The following RFX3 variants were observed in gnomAD, a reference collection of about 807,000 sequenced individuals.
RFX3 encodes the protein regulatory factor X3.
Under a neutral mutation model 98.6 loss-of-function variants are expected in RFX3, and 14 were observed. The observed-to-expected ratio is 0.14, with a 90% confidence interval of 0.09 to 0.22. RFX3 has a LOEUF of 0.22. RFX3 is among the 10% of genes least tolerant of loss of function. The pLI is 1.00. For missense variants in RFX3, 639 were observed against 926.9 expected (o/e 0.69, Z 4.03); for synonymous variants, 383 against 328.4 (o/e 1.17, Z -1.80).
intron 4 of RFX3, among the ~76,000 whole-genome samples, chr9:3,315,964 C>A (rs1035589426): frequency 6.6e-6 from 1 of 152,154 alleles, no homozygotes; most frequent in Admixed American, 6.5e-5. Context: ...GAGCTGGTAC[C>A]ATTCCTTCTG....
intron 2 of RFX3, among the ~76,000 whole-genome samples, chr9:3,352,753 A>T (rs181386660): frequency 7.0e-4 from 107 of 152,224 alleles, no homozygotes; most frequent in African/African-American, 2.0e-3. Context: ...GAATGGACAC[A>T]AACAAGGTGA....
At chr9:3,311,287 T>A (rs1209838605) in intron 4 of RFX3, among the ~76,000 whole-genome samples, 1 of 152,172 alleles carries the variant, frequency 6.6e-6, no homozygotes, top group Non-Finnish European at 1.5e-5. Flanking sequence ...GACAAAAACA[T>A]TTCTACCTGG....
At chr9:3,247,188 A>G in intron 15 of RFX3, 1 of 985,542 alleles carries the variant, frequency 1.0e-6, no homozygotes, top group Non-Finnish European at 1.2e-6. Flanking sequence ...ATTCAATATA[A>G]CAAAATAAGC....
chr9:3,324,735 G>A (rs1831713128), intron 4 of RFX3, among the ~76,000 whole-genome samples: 1 of 152,086 alleles, frequency 6.6e-6, no homozygotes, highest in Non-Finnish European at 1.5e-5. Context: ...GGCTGAGGCG[G>A]GCAGATCACC....
intron 3 of RFX3, among the ~76,000 whole-genome samples, chr9:3,341,725 G>C (rs948529373): frequency 1.3e-5 from 2 of 152,128 alleles, no homozygotes; most frequent in African/African-American, 4.8e-5. Context: ...TTCCACATAA[G>C]GGCAGTCCTC....
At chr9:3,416,049 T>C (rs62526381) in intron 1 of RFX3, among the ~76,000 whole-genome samples, 1 of 152,228 alleles carries the variant, frequency 6.6e-6, no homozygotes, top group African/African-American at 2.4e-5. Context: ...AAATGACTGA[T>C]TAAAGTCTGC....
At chr9:3,488,695 C>A in intron 1 of RFX3, 1 of 725,946 alleles carries the variant, frequency 1.4e-6, no homozygotes, top group Non-Finnish European at 1.7e-6. Flanking sequence ...CAAAACTACT[C>A]AATTTCTCTT....
At chr9:3,269,031 T>G (rs1327270080) in intron 11 of RFX3, among the ~76,000 whole-genome samples, 3 of 151,974 alleles carry the variant, frequency 2.0e-5, no homozygotes, top group Non-Finnish European at 2.9e-5. Flanking sequence ...AATCCGATTC[T>G]GGAACATAAA....
At chr9:3,245,415 A>G (rs552926311) in intron 15 of RFX3, among the ~76,000 whole-genome samples, 12 of 152,298 alleles carry the variant, frequency 7.9e-5, no homozygotes, top group African/African-American at 2.6e-4. Flanking sequence ...TCAGAGGGGC[A>G]GGGCCAGATC....
intron 15 of RFX3, among the ~76,000 whole-genome samples, chr9:3,237,375 TAGC>T (rs1819299761): frequency 6.6e-6 from 1 of 152,188 alleles, no homozygotes; most frequent in South Asian, 2.1e-4. Flanking sequence ...ATTCTTCCAG[TAGC>T]AGTACAGTAT....
intron 1 of RFX3, chr9:3,488,691 T>G: frequency 1.5e-6 from 1 of 673,812 alleles, no homozygotes; most frequent in Non-Finnish European, 1.8e-6. Context: ...GACACAAAAC[T>G]ACTCAATTTC....
chr9:3,493,081 G>T (rs1005099291), intron 1 of RFX3, among the ~76,000 whole-genome samples: 7 of 152,038 alleles, frequency 4.6e-5, no homozygotes, highest in Admixed American at 3.3e-4. Flanking sequence ...TTTACTGAGG[G>T]TCCTAGCATG....
intron 1 of RFX3, among the ~76,000 whole-genome samples, chr9:3,490,607 A>C (rs1311601754): frequency 6.6e-6 from 1 of 152,144 alleles, no homozygotes; most frequent in African/African-American, 2.4e-5. Flanking sequence ...TCAAAGAATA[A>C]TCATAGTATT....
At chr9:3,492,555 A>T (rs928790191) in intron 1 of RFX3, among the ~76,000 whole-genome samples, 3 of 152,198 alleles carry the variant, frequency 2.0e-5, no homozygotes, top group African/African-American at 7.2e-5. Context: ...TCCTCATGAC[A>T]GATGGAGATT....
intron 1 of RFX3, among the ~76,000 whole-genome samples, chr9:3,513,507 T>G (rs2133853606): frequency 6.6e-6 from 1 of 152,246 alleles, no homozygotes; most frequent in Non-Finnish European, 1.5e-5. Flanking sequence ...ATCCAGAAGG[T>G]AAACTGGAAC....
At chr9:3,269,169 A>T (rs1586815001) in intron 11 of RFX3, among the ~76,000 whole-genome samples, 1 of 149,986 alleles carries the variant, frequency 6.7e-6, no homozygotes, top group South Asian at 2.1e-4. Context: ...ATGTCAGCTA[A>T]TTTTTTTTTT....
chr9:3,488,930 G>A, intron 1 of RFX3: 1 of 980,468 alleles, frequency 1.0e-6, no homozygotes, highest in Non-Finnish European at 1.2e-6. Context: ...TTGAAATAAG[G>A]AGTACCTTGT....
chr9:3,226,970 A>G (rs1257753841), intron 16 of RFX3, among the ~76,000 whole-genome samples: 1 of 152,108 alleles, frequency 6.6e-6, no homozygotes, highest in African/African-American at 2.4e-5. Flanking sequence ...ATTTTGTGGG[A>G]GAAGCCCTCA....
At chr9:3,463,672 T>C (rs1000969449) in intron 1 of RFX3, among the ~76,000 whole-genome samples, 1 of 151,814 alleles carries the variant, frequency 6.6e-6, no homozygotes, top group African/African-American at 2.4e-5. Context: ...CAAAGAACTG[T>C]TTTTTTTAAA....
Sources: gnomAD v4.1 joint callset for allele counts (sites outside exome capture counted in the v4.1 genomes callset) on GRCh38, gnomAD v4.1.1 for gene constraint, MANE v1.5 for transcripts, NCBI Gene and HGNC (gene_info 2026-07-23, HGNC 2026-07-21) for gene names.